GRID2: variants seen among roughly 807,000 people sequenced by gnomAD.
The protein encoded by GRID2 is glutamate receptor ionotropic, delta-2.
GRID2 carries 33 observed loss-of-function variants against 114.8 expected under a neutral mutation model. The ratio of observed to expected loss-of-function variants is 0.29; its 90% CI spans 0.22 to 0.38. The LOEUF is 0.38. GRID2 is among the 10% of genes least tolerant of loss of function. The pLI, the probability that GRID2 is intolerant of heterozygous loss-of-function variation, is 1.00. For missense variants in GRID2, 1,184 were observed against 1,257.7 expected, an observed-to-expected ratio of 0.94 and a Z score of 0.89; for synonymous variants, 505 against 449.9, an observed-to-expected ratio of 1.12 and a Z score of -1.55.
chr4:93,294,449 TGA>T (rs199708286), intron 8 of GRID2, among the ~76,000 whole-genome samples: 2 of 151,932 alleles, frequency 1.3e-5, no homozygotes, highest in African/African-American at 4.8e-5. Context: ...TGTGTGTATG[TGA>T]GAGAGAGAGA....
chr4:93,087,202 T>C (rs1466377701), intron 3 of GRID2, among the ~76,000 whole-genome samples: 1 of 149,218 alleles, frequency 6.7e-6, no homozygotes, highest in Non-Finnish European at 1.5e-5. Flanking sequence ...GCCTAGCTAT[T>C]GTTTTTTTTT....
chr4:92,891,991 C>G (rs770416429), intron 2 of GRID2, among the ~76,000 whole-genome samples: 1 of 151,918 alleles, frequency 6.6e-6, no homozygotes, highest in African/African-American at 2.4e-5. Context: ...ATTTTGCACC[C>G]AAAAGTATCT....
intron 1 of GRID2, among the ~76,000 whole-genome samples, chr4:92,377,793 G>C (rs182195777): frequency 3.3e-5 from 5 of 151,976 alleles, no homozygotes; most frequent in Admixed American, 3.3e-4. Context: ...TAAAACCATC[G>C]GATCTCATGA....
At chr4:93,132,358 A>G (rs1734882025) in intron 4 of GRID2, among the ~76,000 whole-genome samples, 1 of 152,362 alleles carries the variant, frequency 6.6e-6, no homozygotes, top group South Asian at 2.1e-4. Context: ...GGGTGAGATC[A>G]TGCCCATTTA....
intron 2 of GRID2, among the ~76,000 whole-genome samples, chr4:92,959,790 TG>T (rs1244042180): frequency 6.6e-6 from 1 of 151,960 alleles, no homozygotes; most frequent in Non-Finnish European, 1.5e-5. Flanking sequence ...CATTCATAAG[TG>T]GGAGATGAAC....
intron 2 of GRID2, among the ~76,000 whole-genome samples, chr4:92,858,918 C>G (rs529886013): frequency 6.6e-6 from 1 of 152,238 alleles, no homozygotes; most frequent in East Asian, 1.9e-4. Flanking sequence ...GGAAACTATT[C>G]TTGGTGAATA....
chr4:93,340,512 T>G (rs1008380670), intron 8 of GRID2, among the ~76,000 whole-genome samples: 2 of 151,570 alleles, frequency 1.3e-5, no homozygotes, highest in Admixed American at 6.6e-5. Flanking sequence ...AGGGGAGGAG[T>G]TTTTTTGGTT....
chr4:93,461,274 TTCATTAAAAGAC>T (rs1723715188), intron 11 of GRID2, among the ~76,000 whole-genome samples: 1 of 152,082 alleles, frequency 6.6e-6, no homozygotes, highest in African/African-American at 2.4e-5. Flanking sequence ...AAAAGGTGAA[TTCATTAAAAGAC>T]ACTGAGAGCA....
intron 8 of GRID2, among the ~76,000 whole-genome samples, chr4:93,315,318 T>C (rs1756469992): frequency 6.6e-6 from 1 of 152,142 alleles, no homozygotes; most frequent in Admixed American, 6.6e-5. Context: ...TATCATAAGC[T>C]ATGGGGATCT....
intron 2 of GRID2, among the ~76,000 whole-genome samples, chr4:92,942,948 C>A (rs1347857719): frequency 6.6e-6 from 1 of 152,206 alleles, no homozygotes; most frequent in Non-Finnish European, 1.5e-5. Context: ...TGCTGTTATT[C>A]TGATGGGCTT....
intron 14 of GRID2, among the ~76,000 whole-genome samples, chr4:93,725,579 A>G (rs954379433): frequency 2.6e-5 from 4 of 151,242 alleles, no homozygotes; most frequent in Non-Finnish European, 5.9e-5. Context: ...ACAATGGTTG[A>G]ACTAGTTGAC....
At chr4:93,528,515 A>G (rs1430517725) in intron 13 of GRID2, among the ~76,000 whole-genome samples, 2 of 151,104 alleles carry the variant, frequency 1.3e-5, no homozygotes, top group East Asian at 1.9e-4. Flanking sequence ...TCTAAATTCT[A>G]TTTTAGTATG....
rs138779598 is a variant in GRID2, at chr4:93,516,504, C to T, written c.2193+1093C>T. Among the ~76,000 whole-genome samples, 10 of 152,156 alleles carry T rather than the reference C, an allele frequency of 6.6e-5. 1 individual carries two copies. The South Asian group carries it at 1.0e-3, about 16-fold the overall frequency. On this transcript the variant is annotated intron_variant, in intron 13 of 15. Transcript: ENST00000282020. ...TGATGTCTTTAAGGAAGTGAATGTC[C>T]TGGAGATGTTAGCAATGGCCTCTAT...
At chr4:92,650,227 C>G (rs1731858674) in intron 2 of GRID2, among the ~76,000 whole-genome samples, 2 of 152,006 alleles carry the variant, frequency 1.3e-5, no homozygotes, top group Admixed American at 1.3e-4. Context: ...TTTAGCAAGT[C>G]ATTCGGTTAT....
At chr4:93,255,999 C>T (rs955862257) in intron 8 of GRID2, among the ~76,000 whole-genome samples, 4 of 152,032 alleles carry the variant, frequency 2.6e-5, no homozygotes, top group Admixed American at 2.6e-4. Context: ...AAAAATTGCT[C>T]ACATTTTTCT....
intron 2 of GRID2, among the ~76,000 whole-genome samples, chr4:92,845,232 C>CT (rs1333354765): frequency 6.6e-6 from 1 of 152,080 alleles, no homozygotes; most frequent in Non-Finnish European, 1.5e-5. Context: ...TCTTGAAACT[C>CT]TTTTTATTCT....
intron 2 of GRID2, among the ~76,000 whole-genome samples, chr4:92,689,272 C>G (rs1343723502): frequency 6.6e-6 from 1 of 152,178 alleles, no homozygotes; most frequent in Non-Finnish European, 1.5e-5. Context: ...AGGAAGTGAG[C>G]CTGTCCTTTG....
chr4:93,485,796 T>A (rs1726331426), intron 11 of GRID2, among the ~76,000 whole-genome samples: 1 of 151,752 alleles, frequency 6.6e-6, no homozygotes. Context: ...GTTTTTTTCT[T>A]CTTCCTGAAG....
intron 2 of GRID2, among the ~76,000 whole-genome samples, chr4:92,602,240 GAAAA>G (rs558005818): frequency 2.3e-3 from 340 of 147,230 alleles, no homozygotes; most frequent in African/African-American, 7.9e-3. Flanking sequence ...AAAAAAGAAA[GAAAA>G]AGAAAAAAGA....
Sources: allele counts gnomAD v4.1 joint callset (sites outside exome capture counted in the v4.1 genomes callset), GRCh38; gene constraint gnomAD v4.1.1; transcripts MANE v1.5; gene names NCBI Gene and HGNC (gene_info 2026-07-23, HGNC 2026-07-21).